Variants in SND1 observed in about 807,000 individuals in gnomAD.
SND1 encodes the protein staphylococcal nuclease and tudor domain containing 1.
Under a neutral mutation model 121.7 loss-of-function variants are expected in SND1, and 38 were observed. The observed-to-expected ratio is 0.31, with a 90% CI of 0.24 to 0.41. The LOEUF is 0.41. Among genes scored for constraint, SND1 ranks in the 10% least tolerant of loss-of-function variants. The pLI is 1.00. For missense variants in SND1, 868 were observed against 1,184.6 expected, an observed-to-expected ratio of 0.73 and a Z score of 3.92; for synonymous variants, 401 against 447.4, an observed-to-expected ratio of 0.90 and a Z score of 1.31.
intron 10 of SND1, among the ~76,000 whole-genome samples, chr7:127,756,548 TC>T (rs1041557594): frequency 3.3e-5 from 5 of 152,268 alleles, no homozygotes; most frequent in Non-Finnish European, 5.9e-5. Flanking sequence ...CTTTAGGCCT[TC>T]CACTGTCCTT....
At chr7:127,930,754 C>A (rs1433941549) in intron 15 of SND1, among the ~76,000 whole-genome samples, 1 of 152,070 alleles carries the variant, frequency 6.6e-6, no homozygotes. Flanking sequence ...GGTTTCTATA[C>A]CCATGAAGTT....
At chr7:128,024,582 T>C (rs1482347149) in intron 16 of SND1, among the ~76,000 whole-genome samples, 2 of 152,090 alleles carry the variant, frequency 1.3e-5, no homozygotes, top group African/African-American at 2.4e-5. Flanking sequence ...CAGACAACAA[T>C]AGGAATTGTC....
At chr7:127,746,594 G>A (rs915414324) in intron 10 of SND1, among the ~76,000 whole-genome samples, 1 of 152,154 alleles carries the variant, frequency 6.6e-6, no homozygotes, top group African/African-American at 2.4e-5. Context: ...CTGGTATGGT[G>A]AAAATGTCCC....
chr7:127,827,637 A>G (rs1798666357), intron 11 of SND1, among the ~76,000 whole-genome samples: 1 of 152,084 alleles, frequency 6.6e-6, no homozygotes, highest in Admixed American at 6.5e-5. Flanking sequence ...TTCTATTCTT[A>G]TGTTTATCAC....
chr7:127,845,837 A>G (rs1799050215), intron 12 of SND1, among the ~76,000 whole-genome samples: 1 of 152,244 alleles, frequency 6.6e-6, no homozygotes, highest in Non-Finnish European at 1.5e-5. Context: ...ATATTTAAAA[A>G]ATAAGTTTAC....
chr7:127,694,214 T>C (rs1795970283), intron 2 of SND1, among the ~76,000 whole-genome samples: 1 of 152,148 alleles, frequency 6.6e-6, no homozygotes. Context: ...GGAGTGGAGA[T>C]GACTTAAATA....
intron 16 of SND1, among the ~76,000 whole-genome samples, chr7:128,013,993 A>G (rs920142845): frequency 1.1e-4 from 16 of 152,208 alleles, no homozygotes; most frequent in Non-Finnish European, 2.4e-4. Context: ...TGATATTCAC[A>G]GGTCTCTGAG....
intron 9 of SND1, among the ~76,000 whole-genome samples, chr7:127,716,226 C>T (rs1312323479): frequency 6.6e-6 from 1 of 152,122 alleles, no homozygotes; most frequent in Admixed American, 6.5e-5. Context: ...TTAGGATGAG[C>T]TGTTCTGTTT....
chr7:127,870,501 C>T (rs899919725), intron 12 of SND1, among the ~76,000 whole-genome samples: 9 of 152,170 alleles, frequency 5.9e-5, no homozygotes, highest in African/African-American at 1.9e-4. Flanking sequence ...GCCTACTACA[C>T]ACAGAGGCTG....
chr7:127,867,364 C>CTTA (rs1799496259), intron 12 of SND1, among the ~76,000 whole-genome samples: 1 of 152,266 alleles, frequency 6.6e-6, no homozygotes, highest in East Asian at 1.9e-4. Context: ...TTGAATGCTC[C>CTTA]TTAAATATTT....
intron 13 of SND1, among the ~76,000 whole-genome samples, chr7:127,903,548 G>C (rs1800275995): frequency 6.6e-6 from 1 of 152,182 alleles, no homozygotes; most frequent in Non-Finnish European, 1.5e-5. Context: ...TTTCAGATGA[G>C]TTGAGTGAGG....
At chr7:127,761,989 C>T (rs759925668) in intron 10 of SND1, among the ~76,000 whole-genome samples, 20 of 152,012 alleles carry the variant, frequency 1.3e-4, no homozygotes, top group African/African-American at 4.1e-4. Context: ...TGGAAATACC[C>T]GAGGCTCTCA....
rs117240937 is a variant in SND1 at position 127,786,036 on chromosome 7, G to A, written c.1153-21448G>A. ...AAAGATGTCTAAAAAAAATTTGAGG[G>A]ACATTTTTGCGGACACTTCCTGAAG... On this transcript the variant is annotated intron_variant, in intron 10 of 23. Transcript: ENST00000354725. 7.8e-3 allele frequency among the ~76,000 whole-genome samples: 1,181 copies of A among 151,892 alleles called. 7 individuals are homozygous for A. Among genetic ancestry groups the A allele is most frequent in the Non-Finnish European group, 0.011 (761 of 67,968 alleles).
intron 15 of SND1, among the ~76,000 whole-genome samples, chr7:127,969,714 C>T (rs1801938953): frequency 6.6e-6 from 1 of 152,052 alleles, no homozygotes; most frequent in Non-Finnish European, 1.5e-5. Context: ...GGCAGCAGAG[C>T]AAGACTCCGT....
chr7:128,017,083 C>A (rs1939547234), intron 16 of SND1, among the ~76,000 whole-genome samples: 1 of 152,230 alleles, frequency 6.6e-6, no homozygotes, highest in African/African-American at 2.4e-5. Flanking sequence ...CCCCCACACC[C>A]CCTGTTATGT....
chr7:127,847,169 G>A (rs774821425), intron 12 of SND1, among the ~76,000 whole-genome samples: 2 of 152,126 alleles, frequency 1.3e-5, no homozygotes, highest in East Asian at 1.9e-4. Flanking sequence ...CTACTTGGGA[G>A]GCTGAGGCAT....
intron 16 of SND1, among the ~76,000 whole-genome samples, chr7:127,993,820 G>A (rs1450673136): frequency 6.6e-6 from 1 of 152,174 alleles, no homozygotes; most frequent in South Asian, 2.1e-4. Context: ...CAGATTGTAC[G>A]ATTTCAGAGT....
Position 128,029,232 on chromosome 7 carries a change from G to A in SND1, c.1779+38176G>A, listed in dbSNP as rs564369603. On this transcript the variant is annotated intron_variant, in intron 16 of 23. Coordinates refer to ENST00000354725, the MANE Select transcript of SND1 (RefSeq NM_014390.4). The surrounding 1 kb of genome is among the most constrained non-coding windows in gnomAD (Gnocchi z 4.2). ...GGTAGGAACAGGCTTGTACTTTCGCGTTGTGTCCTCAGGCGAGATCTCCGT... is the reference window on the plus strand; with the variant it reads ...GGTAGGAACAGGCTTGTACTTTCGCATTGTGTCCTCAGGCGAGATCTCCGT... 69 of 1,614,028 alleles carry A rather than the reference G, an allele frequency of 4.3e-5. No individual in the cohort carries two copies. The highest frequency in any genetic ancestry group is 1.8e-4 in the South Asian group (16 of 91,078).
intron 1 of SND1, among the ~76,000 whole-genome samples, chr7:127,658,888 G>T (rs1452762894): frequency 1.3e-5 from 2 of 152,196 alleles, no homozygotes; most frequent in Non-Finnish European, 2.9e-5. Flanking sequence ...AGGTAACAAG[G>T]TATCTAAGGC....
Sources: allele counts gnomAD v4.1 joint callset (sites outside exome capture counted in the v4.1 genomes callset), GRCh38; gene constraint gnomAD v4.1.1; non-coding constraint Gnocchi (gnomAD v3.1); transcripts MANE v1.5; gene names NCBI Gene and HGNC (gene_info 2026-07-23, HGNC 2026-07-21).